DDX4: variants seen among roughly 807,000 people sequenced by gnomAD.
DDX4 encodes probable ATP-dependent RNA helicase DDX4.
Under a neutral mutation model 100.0 loss-of-function variants are expected in DDX4, and 25 were observed. The ratio of observed to expected loss-of-function variants is 0.25; its 90% CI spans 0.18 to 0.35. DDX4 has a LOEUF of 0.35. Ranked by LOEUF, DDX4 falls within the 10% of genes least tolerant of loss-of-function variation. The pLI is 1.00. For missense variants in DDX4, 635 were observed against 882.4 expected (o/e 0.72, Z 3.55); for synonymous variants, 259 against 275.7 (o/e 0.94, Z 0.60).
chr5:55,815,183 T>G lies in DDX4; in HGVS notation c.1986+12T>G. The G allele has an allele frequency of 6.2e-7, 1 of 1,611,720 alleles. No homozygotes were observed. ...AAGTATTGACAGATGTAAGTTAAAC[T>G]TTTATGATGGAATGGATAGTTTTCT... is the stretch of plus-strand genomic sequence containing the variant. On this transcript the variant is annotated intron_variant, in intron 20 of 21. Transcript: ENST00000505374.
At chr5:55,808,851 A>G in intron 18 of DDX4, among the ~76,000 whole-genome samples, 1 of 152,242 alleles carries the variant, frequency 6.6e-6, no homozygotes, top group East Asian at 1.9e-4. Context: ...GCTGTCAGAC[A>G]GGGACATTTA....
chr5:55,744,891 AT>A (rs1315924762), intron 2 of DDX4, among the ~76,000 whole-genome samples: 2 of 150,280 alleles, frequency 1.3e-5, no homozygotes, highest in African/African-American at 4.9e-5. Context: ...TTTTTTTGAG[AT>A]GGTGTGAGAC....
At chr5:55,790,201 G>A (rs559156921) in intron 15 of DDX4, among the ~76,000 whole-genome samples, 130 of 143,800 alleles carry the variant, frequency 9.0e-4, no homozygotes, top group African/African-American at 3.3e-3. Context: ...CTGGAGTAGA[G>A]TGGTGGGATC....
intron 3 of DDX4, among the ~76,000 whole-genome samples, chr5:55,756,971 C>T (rs1759978899): frequency 6.6e-6 from 1 of 152,004 alleles, no homozygotes; most frequent in African/African-American, 2.4e-5. Context: ...TTCACATTTA[C>T]ATGTGAAAGT....
chr5:55,746,062 C>A, intron 2 of DDX4, 102 bp from the exon 3 acceptor site: 1 of 878,316 alleles, frequency 1.1e-6, no homozygotes, highest in Non-Finnish European at 1.8e-6. Context: ...TTATTTTGTT[C>A]TGAACAAAGC....
intron 3 of DDX4, among the ~76,000 whole-genome samples, chr5:55,754,267 G>T (rs1162814903): frequency 6.7e-6 from 1 of 149,458 alleles, no homozygotes; most frequent in African/African-American, 2.5e-5. Context: ...CAAAGGGAAT[G>T]CTTCCAGTTT....
At chr5:55,764,108 A>G (rs777975487) in intron 6 of DDX4, 44 bp downstream of exon 6, 10 of 1,377,622 alleles carry the variant, frequency 7.3e-6, no homozygotes, top group Non-Finnish European at 1.0e-5. Flanking sequence ...TGTCAAGAGT[A>G]CATGCTAAAA....
chr5:55,801,445 C>CT (rs1743299016), intron 18 of DDX4, among the ~76,000 whole-genome samples: 1 of 152,086 alleles, frequency 6.6e-6, no homozygotes, highest in African/African-American at 2.4e-5. Context: ...CAGGGGAAAA[C>CT]TTTATTTGCA....
chr5:55,814,800 A>C, intron 19 of DDX4, 101 bp from the exon 20 acceptor site: 2 of 1,329,306 alleles, frequency 1.5e-6, no homozygotes, highest in Non-Finnish European at 2.1e-6. Context: ...AAATGCTGCT[A>C]TTCATACTAT....
chr5:55,745,772 T>G (rs1759217025), intron 2 of DDX4, among the ~76,000 whole-genome samples: 1 of 152,206 alleles, frequency 6.6e-6, no homozygotes, highest in Non-Finnish European at 1.5e-5. Flanking sequence ...AAACTTTTAC[T>G]TTAAGTCAGG....
intron 3 of DDX4, among the ~76,000 whole-genome samples, chr5:55,759,291 T>C (rs1441850663): frequency 6.6e-6 from 1 of 152,154 alleles, no homozygotes; most frequent in Non-Finnish European, 1.5e-5. Context: ...ATTTAAATAC[T>C]GATAAAGTCA....
Position 55,763,862 on chromosome 5 carries a change from T to C in DDX4, c.284-152T>C, listed in dbSNP as rs1282917744. 5 of 584,914 alleles carry C rather than the reference T, an allele frequency of 8.5e-6. No homozygotes were observed. In the African/African-American group the frequency reaches 9.4e-5, roughly 11 times the overall value. The allele number at this position is 584,914 out of a possible 1,614,324, so 36.2% of individuals were successfully genotyped here. A position where few individuals can be genotyped will look rare whatever the true frequency, so the allele number is the denominator to read the frequency against. On this transcript the variant is annotated intron_variant, in intron 5 of 21. Coordinates refer to ENST00000505374, the MANE Select transcript of DDX4 (RefSeq NM_024415.3). Reference sequence around the variant, plus strand: ...TTGATAAACTGACACAAAGCAGAAATTGTTGTACAGCCTGAGTGAATTTGC... The same window carrying C: ...TTGATAAACTGACACAAAGCAGAAACTGTTGTACAGCCTGAGTGAATTTGC...
At chr5:55,786,831 C>G (rs952131973) in intron 14 of DDX4, among the ~76,000 whole-genome samples, 161 bp downstream of exon 14, 1 of 152,186 alleles carries the variant, frequency 6.6e-6, no homozygotes, top group Non-Finnish European at 1.5e-5. Flanking sequence ...GATTTGTGTA[C>G]TTCGGAAGAA....
At chr5:55,786,353 A>G (rs1052445395) in intron 13 of DDX4, among the ~76,000 whole-genome samples, 165 bp from the exon 14 acceptor site, 2 of 152,226 alleles carry the variant, frequency 1.3e-5, no homozygotes, top group East Asian at 3.8e-4. Context: ...ATTATAATAT[A>G]CAGGCTTTGA....
In DDX4 at chr5:55,801,222, T is replaced by G. The variant is rs202062585; in HGVS notation, c.1615+2651T>G. Among the ~76,000 whole-genome samples, 97 of 151,834 alleles carry G rather than the reference T, an allele frequency of 6.4e-4. 2 individuals are homozygous for G. Among genetic ancestry groups the G allele is most frequent in the Middle Eastern group, 6.8e-3 (2 of 292 alleles). The stretch of plus-strand genomic sequence containing the variant: ...CTTAAAACATGATGGGGTGTTTTTT[T>G]TTTTTTTTTTTGCGATTAAAAAAAC... On this transcript the variant is annotated intron_variant, in intron 18 of 21. Transcript: ENST00000505374.
intron 9 of DDX4, 132 bp from the exon 10 acceptor site, chr5:55,781,792 AAATCTAAAAT>A (rs1318973338): frequency 2.3e-6 from 2 of 873,532 alleles, no homozygotes; most frequent in African/African-American, 3.4e-5. Context: ...AAAAAAAGTT[AAATCTAAAAT>A]TAAGAGATGG....
At chr5:55,742,604 T>TA (rs1481647033) in intron 2 of DDX4, among the ~76,000 whole-genome samples, 2 of 152,232 alleles carry the variant, frequency 1.3e-5, no homozygotes, top group African/African-American at 4.8e-5. Flanking sequence ...TGAGAACACT[T>TA]ATGTGTTAAA....
At chr5:55,778,972 G>C (rs2111962191) in intron 7 of DDX4, among the ~76,000 whole-genome samples, 1 of 152,014 alleles carries the variant, frequency 6.6e-6, no homozygotes, top group Non-Finnish European at 1.5e-5. Flanking sequence ...TGTTGCTTAA[G>C]GCTAAGTACA....
chr5:55,762,858 T>C (rs1369940885), intron 4 of DDX4, among the ~76,000 whole-genome samples: 1 of 152,128 alleles, frequency 6.6e-6, no homozygotes, highest in African/African-American at 2.4e-5. Context: ...CAGAGCGTAA[T>C]AGCTGGCTCT....
Sources: gnomAD v4.1 joint callset for allele counts (sites outside exome capture counted in the v4.1 genomes callset) on GRCh38, gnomAD v4.1.1 for gene constraint, MANE v1.5 for transcripts, NCBI Gene and HGNC (gene_info 2026-07-23, HGNC 2026-07-21) for gene names.